Variants in SMC4 observed in about 807,000 individuals in gnomAD.
SMC4 encodes the protein structural maintenance of chromosomes protein 4.
In SMC4, 87 loss-of-function variants were observed where a neutral mutation model predicts 145.6. The ratio of observed to expected loss-of-function variants is 0.60; its 90% CI spans 0.50 to 0.71. The LOEUF is 0.71. Among genes scored for constraint, SMC4 ranks in the 30% least tolerant of loss-of-function variants. SMC4 has a pLI of 0.00. For synonymous variants in SMC4, 558 were observed against 500.7 expected (o/e 1.11, Z -1.53); for missense variants, 1,447 against 1,537.1 (o/e 0.94, Z 0.98).
chr3:160,401,971 C>T lies in SMC4; in HGVS notation c.196C>T (p.Pro66Ser), dbSNP rs1332454860. The T allele has an allele frequency of 6.2e-7, 1 of 1,607,064 alleles. No homozygotes were observed. The highest frequency in any genetic ancestry group is 1.1e-5 in the South Asian group (1 of 89,838). The change falls in exon 3 of 24, where the codon CCT (proline) becomes TCT (serine). Residue 66 changes from proline (P) to serine (S), a missense_variant. Pro to Ser is a moderately conservative substitution (Grantham distance 74, BLOSUM62 -1). Transcript: ENST00000357388. ...RSLEEILNSI[P>S]PPPPPAMTNE... The stretch of plus-strand genomic sequence containing the variant: ...TTTAGAAGAGATTTTGAACAGCATT[C>T]CTCCTCCCCCGCCTCCAGCAATGAC...
chr3:160,415,616 G>A (rs1388625773), intron 9 of SMC4, among the ~76,000 whole-genome samples: 1 of 152,222 alleles, frequency 6.6e-6, no homozygotes, highest in African/African-American at 2.4e-5. Context: ...TTAAGGAAGT[G>A]GCATTTTGGG....
At position 160,403,071 on chromosome 3, in the gene SMC4, AT is replaced by A. The variant is rs1272034715; in HGVS notation, c.510+205del. Among the ~76,000 whole-genome samples the A allele has an allele frequency of 3.3e-5, 5 of 152,288 alleles. No homozygotes were observed. The East Asian group carries it at 7.7e-4, about 23-fold the overall frequency. ...TTTTAGCTAAAGAAATGAAGTATAA[AT>A]AGTTCATAGTAATCCTTTTTGGAAT... On this transcript the variant is annotated intron_variant, in intron 4 of 23. Transcript: ENST00000357388.
chr3:160,427,243 G>C (rs1256423735), intron 17 of SMC4, among the ~76,000 whole-genome samples: 1 of 152,214 alleles, frequency 6.6e-6, no homozygotes, highest in Non-Finnish European at 1.5e-5. Flanking sequence ...ACACATGTAA[G>C]ATGGCACATA....
intron 19 of SMC4, 61 bp downstream of exon 19, chr3:160,430,804 G>A (rs1718321639): frequency 3.9e-6 from 6 of 1,540,984 alleles, no homozygotes; most frequent in Middle Eastern, 1.7e-4. Context: ...TTAAAGAGCT[G>A]GATATATGAC....
chr3:160,429,315 A>AT (rs1718123432), intron 18 of SMC4, among the ~76,000 whole-genome samples: 1 of 152,174 alleles, frequency 6.6e-6, no homozygotes, highest in South Asian at 2.1e-4. Context: ...ACTTAGCAAA[A>AT]TTAATTCTCT....
intron 9 of SMC4, 76 bp downstream of exon 9, chr3:160,414,593 T>C (rs2108472109): frequency 7.6e-7 from 1 of 1,317,176 alleles, no homozygotes; most frequent in Non-Finnish European, 1.1e-6. Flanking sequence ...GTTTGCCCCT[T>C]ATTGCCTAAG....
chr3:160,408,946 A>G (rs1041257886), intron 5 of SMC4, among the ~76,000 whole-genome samples: 2 of 152,108 alleles, frequency 1.3e-5, no homozygotes, highest in Non-Finnish European at 2.9e-5. Flanking sequence ...CAATAATGCT[A>G]ATCTGATAAT....
chr3:160,432,104 A>G (rs995520592), intron 21 of SMC4, among the ~76,000 whole-genome samples, 179 bp from the exon 22 acceptor site: 21 of 152,226 alleles, frequency 1.4e-4, no homozygotes, highest in African/African-American at 4.8e-4. Context: ...CGGGAGGCTG[A>G]GGCAGGAGAA....
At chr3:160,400,608 A>AG in intron 1 of SMC4, 5 of 520,956 alleles carry the variant, frequency 9.6e-6, no homozygotes, top group Non-Finnish European at 1.6e-5. Context: ...AGGCACGTCT[A>AG]GATTTTCCCA....
intron 13 of SMC4, 60 bp downstream of exon 13, chr3:160,420,961 G>T (rs540458920): frequency 5.8e-6 from 8 of 1,387,088 alleles, no homozygotes; most frequent in African/African-American, 1.5e-5. Flanking sequence ...ACGTAGTCTC[G>T]CTCTGTCACC....
Position 160,419,423 on chromosome 3 carries a change from C to G in SMC4, c.1737C>G (p.Leu579=), listed in dbSNP as rs1373331882. The G allele has an allele frequency of 6.2e-7, 1 of 1,612,408 alleles. No individual in the cohort carries two copies. Among genetic ancestry groups the G allele is most frequent in the East Asian group, 2.2e-5 (1 of 44,760 alleles). ...ACTTTAAAAGTTTGGTTCATGATCTCTTTCAAAAAGTTGAAGAAGCAAAGA... is the reference window on the plus strand; with the variant it reads ...ACTTTAAAAGTTTGGTTCATGATCTGTTTCAAAAAGTTGAAGAAGCAAAGA... The part of the protein sequence containing the change: ...ETNFKSLVHD[L]FQKVEEAKSS... Residue 579 remains leucine, a synonymous_variant, in exon 12 of 24, where the codon CTC becomes CTG. Transcript: ENST00000357388.
chr3:160,417,536 CTATG>C lies in SMC4; in HGVS notation c.1438-184_1438-181del. ...TCTTGTGAAATCAGTTGGGAAAAGA[CTATG>C]TACAGTGAATATTGACAACTAGGCA... On this transcript the variant is annotated intron_variant, in intron 10 of 23. Transcript: ENST00000357388. 4 of 584,724 alleles carry C rather than the reference CTATG, an allele frequency of 6.8e-6. No homozygotes were observed. In the Admixed American group the frequency reaches 1.2e-4, roughly 18 times the overall value. The allele number at this position is 584,724 out of a possible 1,614,324, so 36.2% of individuals were successfully genotyped here.
intron 15 of SMC4, among the ~76,000 whole-genome samples, chr3:160,424,151 G>T (rs534730309): frequency 1.0e-3 from 154 of 151,662 alleles, no homozygotes; most frequent in African/African-American, 3.7e-3. Flanking sequence ...TTGTATTATT[G>T]CTGTATTACA....
At chr3:160,418,574 A>G (rs1291733256) in intron 11 of SMC4, among the ~76,000 whole-genome samples, 2 of 152,218 alleles carry the variant, frequency 1.3e-5, no homozygotes, top group Non-Finnish European at 2.9e-5. Flanking sequence ...AATGCATGCT[A>G]TTTGGTCATC....
At chr3:160,413,949 G>C (rs1350606156) in intron 8 of SMC4, 2 of 304,202 alleles carry the variant, frequency 6.6e-6, no homozygotes, top group Non-Finnish European at 6.2e-6. Context: ...GATTTTTAAG[G>C]GTTTTATCAT....
chr3:160,404,073 T>C (rs889596906), intron 4 of SMC4: 1 of 379,844 alleles, frequency 2.6e-6, no homozygotes, highest in Admixed American at 4.7e-5. Flanking sequence ...TGTTTGGAGG[T>C]GGGTTTTTTC....
At position 160,434,497 on chromosome 3, in the gene SMC4, A is replaced by ATGAT. The variant is rs1718773894; in HGVS notation, c.*689_*692dup. 1 of 152,212 alleles carries ATGAT rather than the reference A, an allele frequency of 6.6e-6. No individual in the cohort carries two copies. Among genetic ancestry groups the ATGAT allele is most frequent in the African/African-American group, 2.4e-5 (1 of 41,462 alleles). 9.4% of individuals were successfully genotyped at this position (152,212 alleles called of 1,614,324 possible). A position where few individuals can be genotyped will look rare whatever the true frequency, so the allele number is the denominator to read the frequency against. On this transcript the variant is annotated 3_prime_UTR_variant, in exon 24 of 24. Coordinates refer to ENST00000357388, the MANE Select transcript of SMC4 (RefSeq NM_001002800.3). Reference sequence around the variant, plus strand: ...GTTCAATTTACAAATTTTCAACTTTATGATAGGTTTATCCGGGTACTAAAT... The same window carrying ATGAT: ...GTTCAATTTACAAATTTTCAACTTTATGATTGATAGGTTTATCCGGGTACTAAAT...
At chr3:160,425,135 G>C in intron 16 of SMC4, 116 bp downstream of exon 16, 1 of 1,384,728 alleles carries the variant, frequency 7.2e-7, no homozygotes, top group Non-Finnish European at 9.6e-7. Flanking sequence ...ATAAGGGAGG[G>C]AGGATCTATA....
At chr3:160,414,301 A>G in intron 8 of SMC4, 66 bp from the exon 9 acceptor site, 1 of 1,278,984 alleles carries the variant, frequency 7.8e-7, no homozygotes. Flanking sequence ...TGTTCCAGGT[A>G]GGAAATGTGG....
Sources: allele counts gnomAD v4.1 joint callset (sites outside exome capture counted in the v4.1 genomes callset), GRCh38; gene constraint gnomAD v4.1.1; transcripts MANE v1.5; gene names NCBI Gene and HGNC (gene_info 2026-07-23, HGNC 2026-07-21).